The following MSRA variants were observed in gnomAD, a reference collection of about 807,000 sequenced individuals.
MSRA encodes methionine sulfoxide reductase A, also known as mitochondrial peptide methionine sulfoxide reductase.
MSRA carries 54 observed loss-of-function variants against 31.3 expected under a neutral mutation model. The observed-to-expected ratio is 1.73, with a 90% CI of 1.39 to 2.17. The LOEUF is 2.17. MSRA is among the 30% of genes most tolerant of loss of function. MSRA has a pLI of 0.00. For missense variants in MSRA, 507 were observed against 300.9 expected, an observed-to-expected ratio of 1.69 and a Z score of -5.07; for synonymous variants, 169 against 116.5, an observed-to-expected ratio of 1.45 and a Z score of -2.90.
chr8:10,347,263 C>T (rs1803841075), intron 5 of MSRA, among the ~76,000 whole-genome samples: 1 of 152,158 alleles, frequency 6.6e-6, no homozygotes, highest in African/African-American at 2.4e-5. Context: ...TGATGAATAC[C>T]AAATACAGCC....
chr8:10,133,155 A>G (rs1802022406), intron 1 of MSRA, among the ~76,000 whole-genome samples: 1 of 152,164 alleles, frequency 6.6e-6, no homozygotes, highest in South Asian at 2.1e-4. Flanking sequence ...TATTTCAATC[A>G]TGTTTTCCCA....
intron 3 of MSRA, among the ~76,000 whole-genome samples, chr8:10,272,425 A>G (rs1799092752): frequency 6.6e-6 from 1 of 152,208 alleles, no homozygotes; most frequent in Non-Finnish European, 1.5e-5. Context: ...GAAAAAAATC[A>G]GTGTCTCAGC....
chr8:10,140,747 C>G (rs1169306067), intron 1 of MSRA, among the ~76,000 whole-genome samples: 1 of 151,976 alleles, frequency 6.6e-6, no homozygotes, highest in Non-Finnish European at 1.5e-5. Context: ...AGCTTAACTC[C>G]TTTAAGAGAG....
intron 5 of MSRA, among the ~76,000 whole-genome samples, chr8:10,335,238 C>T (rs899053996): frequency 4.7e-5 from 7 of 150,272 alleles, no homozygotes; most frequent in African/African-American, 1.5e-4. Flanking sequence ...ACCCTTAACA[C>T]CTCCCAGCTC....
chr8:10,209,602 T>A (rs2129060863), intron 2 of MSRA, among the ~76,000 whole-genome samples: 2 of 152,292 alleles, frequency 1.3e-5, no homozygotes, highest in South Asian at 4.1e-4. Flanking sequence ...TATAGCGGCT[T>A]CCTCAACATT....
At chr8:10,238,415 C>T (rs1812131868) in intron 2 of MSRA, among the ~76,000 whole-genome samples, 1 of 152,122 alleles carries the variant, frequency 6.6e-6, no homozygotes. Flanking sequence ...AATCTTTTTC[C>T]CACTAGAGTA....
At chr8:10,320,867 T>C (rs1264070155) in intron 5 of MSRA, among the ~76,000 whole-genome samples, 1 of 152,208 alleles carries the variant, frequency 6.6e-6, no homozygotes, top group Non-Finnish European at 1.5e-5. Context: ...TTGTCCAAGC[T>C]TCTTGTTTTT....
intron 2 of MSRA, among the ~76,000 whole-genome samples, chr8:10,215,860 GACA>G (rs1334959083): frequency 6.6e-6 from 1 of 152,208 alleles, no homozygotes; most frequent in African/African-American, 2.4e-5. Context: ...TTTAAGTTTT[GACA>G]ACGAGAAAGA....
At chr8:10,117,285 A>G (rs967213862) in intron 1 of MSRA, among the ~76,000 whole-genome samples, 1 of 152,206 alleles carries the variant, frequency 6.6e-6, no homozygotes, top group African/African-American at 2.4e-5. Context: ...AGGTTGGAGC[A>G]GAGCACTGGG....
chr8:10,285,700 G>A (rs1484882393), intron 3 of MSRA, among the ~76,000 whole-genome samples: 1 of 150,672 alleles, frequency 6.6e-6, no homozygotes, highest in African/African-American at 2.4e-5. Context: ...ACTTCTATAA[G>A]ATCAACTTTT....
At chr8:10,228,411 G>T (rs915236292) in intron 2 of MSRA, among the ~76,000 whole-genome samples, 1 of 152,124 alleles carries the variant, frequency 6.6e-6, no homozygotes, top group Non-Finnish European at 1.5e-5. Flanking sequence ...TACAGAAAAT[G>T]CACCTCTAAT....
intron 1 of MSRA, among the ~76,000 whole-genome samples, chr8:10,141,124 A>G (rs1175269439): frequency 6.6e-6 from 1 of 152,104 alleles, no homozygotes; most frequent in African/African-American, 2.4e-5. Context: ...ACCAAAGGAA[A>G]TTCATCTGTC....
chr8:10,380,353 C>G (rs1045668974), intron 5 of MSRA, among the ~76,000 whole-genome samples: 1 of 152,330 alleles, frequency 6.6e-6, no homozygotes, highest in African/African-American at 2.4e-5. Flanking sequence ...TTTGGGTAGA[C>G]AACTGGAGAG....
chr8:10,187,555 C>T (rs780860259), intron 1 of MSRA, among the ~76,000 whole-genome samples: 1 of 152,148 alleles, frequency 6.6e-6, no homozygotes, highest in Non-Finnish European at 1.5e-5. Flanking sequence ...TGACTTAATA[C>T]ATTTCTCAAC....
chr8:10,107,804 C>T (rs1310193556), intron 1 of MSRA, among the ~76,000 whole-genome samples: 1 of 152,148 alleles, frequency 6.6e-6, no homozygotes, highest in Admixed American at 6.5e-5. Flanking sequence ...TGAATTAGAG[C>T]ACTGAAAAAG....
chr8:10,314,740 G>A (rs1801619072), intron 4 of MSRA, among the ~76,000 whole-genome samples: 1 of 152,212 alleles, frequency 6.6e-6, no homozygotes. Context: ...TGTTCATTAA[G>A]GGTAGAATGT....
intron 5 of MSRA, among the ~76,000 whole-genome samples, chr8:10,374,717 T>G (rs1585618591): frequency 6.6e-6 from 1 of 152,294 alleles, no homozygotes; most frequent in African/African-American, 2.4e-5. Context: ...TTTGAACAGA[T>G]GAAAAAACTT....
chr8:10,083,479 G>A (rs1225846461), intron 1 of MSRA, among the ~76,000 whole-genome samples: 2 of 152,028 alleles, frequency 1.3e-5, no homozygotes, highest in African/African-American at 4.8e-5. Context: ...TGATATCCAC[G>A]GAAATCTATT....
rs187961534 is a variant in MSRA, at chr8:10,183,455, A to C, written c.143-24378A>C. Among the ~76,000 whole-genome samples the C allele has an allele frequency of 1.9e-3, 282 of 152,292 alleles. 3 individuals are homozygous for C. Among genetic ancestry groups the C allele is most frequent in the African/African-American group, 6.4e-3 (268 of 41,572 alleles). On this transcript the variant is annotated intron_variant, in intron 1 of 5. Coordinates refer to ENST00000317173, the MANE Select transcript of MSRA (RefSeq NM_012331.5). ...ATTAAAAGCCAGGGCAGAATCCTACAACTAGGAGGTCATAACAGTGCTTGG... is the reference window on the plus strand; with the variant it reads ...ATTAAAAGCCAGGGCAGAATCCTACCACTAGGAGGTCATAACAGTGCTTGG...
Sources: gnomAD v4.1 joint callset for allele counts (sites outside exome capture counted in the v4.1 genomes callset) on GRCh38, gnomAD v4.1.1 for gene constraint, MANE v1.5 for transcripts, NCBI Gene and HGNC (gene_info 2026-07-23, HGNC 2026-07-21) for gene names.